Variants in CLEC16A observed in about 807,000 individuals in gnomAD.
The protein encoded by CLEC16A is protein CLEC16A.
In CLEC16A, 51 loss-of-function variants were observed where a neutral mutation model predicts 109.5. The observed-to-expected ratio is 0.47, with a 90% confidence interval of 0.37 to 0.59. CLEC16A has a LOEUF of 0.59. Ranked by LOEUF, CLEC16A falls within the 20% of genes least tolerant of loss-of-function variation. The probability of loss-of-function intolerance (pLI) is 0.00; values close to 1 mark genes in which losing one functional copy is unlikely to be tolerated. For synonymous variants in CLEC16A, 673 were observed against 564.2 expected (o/e 1.19, Z -2.73); for missense variants, 1,339 against 1,394.0 (o/e 0.96, Z 0.63).
At chr16:11,053,845 C>G (rs533815013) in intron 18 of CLEC16A, among the ~76,000 whole-genome samples, 1 of 152,210 alleles carries the variant, frequency 6.6e-6, no homozygotes, top group African/African-American at 2.4e-5. Flanking sequence ...TGGCTCTGCT[C>G]AGGACACTGG....
At position 10,959,707 on chromosome 16, in the gene CLEC16A, T is replaced by A. The variant is rs532392705; in HGVS notation, c.209+1797T>A. 9.2e-5 allele frequency among the ~76,000 whole-genome samples: 14 copies of A among 151,886 alleles called. No homozygotes were observed. The South Asian group carries it at 1.5e-3, about 16-fold the overall frequency. On this transcript the variant is annotated intron_variant, in intron 2 of 23. Transcript: ENST00000409790. ...GTGCCCAGCTGGAATTTTTTTTTTT[T>A]AAATATCTTTTTGGAAATCAAAAAG...
intron 2 of CLEC16A, among the ~76,000 whole-genome samples, chr16:10,958,538 C>T (rs1479930275): frequency 1.3e-5 from 2 of 152,198 alleles, no homozygotes; most frequent in Admixed American, 1.3e-4. Flanking sequence ...AAAAAGTTCT[C>T]TTTGTCTAGT....
At chr16:10,991,608 G>T (rs889008998) in intron 10 of CLEC16A, among the ~76,000 whole-genome samples, 7 of 152,278 alleles carry the variant, frequency 4.6e-5, no homozygotes, top group African/African-American at 1.7e-4. Flanking sequence ...CTCAGGAGTT[G>T]CTGTGGAAGG....
At chr16:11,108,915 C>A (rs983331827) in intron 19 of CLEC16A, among the ~76,000 whole-genome samples, 1 of 151,944 alleles carries the variant, frequency 6.6e-6, no homozygotes, top group South Asian at 2.1e-4. Flanking sequence ...TCGAGACCAT[C>A]CTGGCTAACA....
chr16:11,012,081 T>G (rs2045455203), intron 11 of CLEC16A, among the ~76,000 whole-genome samples: 1 of 152,200 alleles, frequency 6.6e-6, no homozygotes, highest in South Asian at 2.1e-4. Context: ...CTGAGCACAT[T>G]AATTCCTCAC....
chr16:11,156,476 T>A, intron 22 of CLEC16A: 1 of 605,188 alleles, frequency 1.7e-6, no homozygotes. Flanking sequence ...CTGCTCCTGG[T>A]GCATTCCTGA....
chr16:11,111,637 C>T lies in CLEC16A; in HGVS notation c.2117-8978C>T, dbSNP rs926085794. Among the ~76,000 whole-genome samples, 3 of 152,180 alleles carry T rather than the reference C, an allele frequency of 2.0e-5. No individual in the cohort carries two copies. In the East Asian group the frequency reaches 5.8e-4, roughly 29 times the overall value. On this transcript the variant is annotated intron_variant, in intron 19 of 23. Coordinates refer to ENST00000409790, the MANE Select transcript of CLEC16A (RefSeq NM_015226.3). ...GTCCGTAAGAAAATCCATTTCAGTG[C>T]CCCTCTAGTCTGTGCTGTTACACCA... is the stretch of plus-strand genomic sequence containing the variant.
chr16:11,126,457 T>C (rs2052827918), intron 22 of CLEC16A: 3 of 1,266,554 alleles, frequency 2.4e-6, no homozygotes, highest in African/African-American at 3.0e-5. Context: ...AGTGCTGAAG[T>C]TGTGGGAGAG....
intron 18 of CLEC16A, among the ~76,000 whole-genome samples, chr16:11,055,162 T>TTCTG (rs2048145073): frequency 6.6e-6 from 1 of 152,182 alleles, no homozygotes; most frequent in African/African-American, 2.4e-5. Flanking sequence ...CATCCCTGCC[T>TTCTG]TCTGGACCGC....
intron 19 of CLEC16A, among the ~76,000 whole-genome samples, chr16:11,081,946 C>T (rs772964029): frequency 1.2e-4 from 19 of 152,076 alleles, no homozygotes; most frequent in Admixed American, 1.3e-4. Flanking sequence ...GTGGGAGGAT[C>T]GCTTGAGCTT....
rs149781057 is a variant in CLEC16A, at chr16:10,962,996, G to T, written c.343+408G>T. Among the ~76,000 whole-genome samples, 46 of 152,230 alleles carry T rather than the reference G, an allele frequency of 3.0e-4. 1 individual carries two copies. The East Asian group carries it at 7.2e-3, about 24-fold the overall frequency. On this transcript the variant is annotated intron_variant, in intron 3 of 23. Transcript: ENST00000409790. ...ATTGTTTGTCAAGGAAGTCGAGGTT[G>T]CAGTGAGCCGTGATTGTGCCACTGC... is the stretch of plus-strand genomic sequence containing the variant.
At position 10,954,721 on chromosome 16, in the gene CLEC16A, A is replaced by G. The variant is rs1335913487; in HGVS notation, c.81-3061A>G. ...ATTATACCAGTGTTTGTAATTAACCATATACTCTAGTGCCTCTCAGGAAAT... is the reference window on the plus strand; with the variant it reads ...ATTATACCAGTGTTTGTAATTAACCGTATACTCTAGTGCCTCTCAGGAAAT... On this transcript the variant is annotated intron_variant, in intron 1 of 23. Coordinates refer to ENST00000409790, the MANE Select transcript of CLEC16A (RefSeq NM_015226.3). This position sits in a 1 kb window ranked among gnomAD's most constrained non-coding sequence, Gnocchi z 4.2. Among the ~76,000 whole-genome samples the G allele has an allele frequency of 2.0e-5, 3 of 152,152 alleles. No individual in the cohort carries two copies. The highest frequency in any genetic ancestry group is 2.9e-5 in the Non-Finnish European group (2 of 68,018).
intron 13 of CLEC16A, among the ~76,000 whole-genome samples, chr16:11,031,017 G>C (rs2046711767): frequency 6.6e-6 from 1 of 152,320 alleles, no homozygotes; most frequent in East Asian, 1.9e-4. Flanking sequence ...GGGAAGACCA[G>C]ATGTTTTTTA....
intron 1 of CLEC16A, among the ~76,000 whole-genome samples, chr16:10,953,056 TA>T (rs1237378841): frequency 1.3e-5 from 2 of 152,194 alleles, no homozygotes; most frequent in Non-Finnish European, 2.9e-5. Flanking sequence ...ATATGGAGAT[TA>T]AAAGGGCCAA....
intron 19 of CLEC16A, among the ~76,000 whole-genome samples, chr16:11,079,053 C>A (rs1342075569): frequency 6.6e-6 from 1 of 152,166 alleles, no homozygotes; most frequent in Non-Finnish European, 1.5e-5. Context: ...CTGGATGCTC[C>A]CCAGCCCTGC....
chr16:10,979,778 C>T (rs949958996), intron 9 of CLEC16A, among the ~76,000 whole-genome samples: 3 of 152,148 alleles, frequency 2.0e-5, no homozygotes, highest in African/African-American at 7.2e-5. Flanking sequence ...ACACAGCAAC[C>T]TTGGTGTAAC....
intron 12 of CLEC16A, among the ~76,000 whole-genome samples, chr16:11,020,718 C>G (rs1429493325): frequency 6.6e-6 from 1 of 152,262 alleles, no homozygotes; most frequent in Non-Finnish European, 1.5e-5. Context: ...CTGCCCTGCA[C>G]ACACAAACAC....
At chr16:11,026,223 T>C (rs927002185) in intron 13 of CLEC16A, among the ~76,000 whole-genome samples, 1 of 152,272 alleles carries the variant, frequency 6.6e-6, no homozygotes, top group African/African-American at 2.4e-5. Flanking sequence ...CTTGATTTTC[T>C]GGAGGAATTT....
rs1323070442 is a variant in CLEC16A, at chr16:11,003,220, C to T, written c.1218C>T (p.Pro406=). The change falls in exon 11 of 24, where the codon CCC becomes CCT. Residue 406 remains proline, a synonymous_variant. Transcript: ENST00000409790. ...AAGAAGAAGATGAGGAGAAAGGGCCCACCGAGGATGCCCAAGAAGACGCCG... is the reference window on the plus strand; with the variant it reads ...AAGAAGAAGATGAGGAGAAAGGGCCTACCGAGGATGCCCAAGAAGACGCCG... ...VGEEEDEEKG[P]TEDAQEDAEK... is the part of the protein sequence containing the mutation. 1.9e-6 allele frequency: 3 copies of T among 1,613,428 alleles called. No homozygotes were observed. Among genetic ancestry groups the T allele is most frequent in the South Asian group, 1.1e-5 (1 of 91,024 alleles).
Sources: gnomAD v4.1 joint callset for allele counts (sites outside exome capture counted in the v4.1 genomes callset) on GRCh38, gnomAD v4.1.1 for gene constraint, Gnocchi (gnomAD v3.1) non-coding constraint, MANE v1.5 for transcripts, NCBI Gene and HGNC (gene_info 2026-07-23, HGNC 2026-07-21) for gene names.